The following ZNF704 variants were observed in gnomAD, a reference collection of about 807,000 sequenced individuals.
ZNF704 encodes glucocorticoid induced gene 1.
Under a neutral mutation model 44.7 loss-of-function variants are expected in ZNF704, and 10 were observed. That is an observed-to-expected ratio of 0.22 (90% CI 0.14 to 0.38). The LOEUF (loss-of-function observed/expected upper bound fraction) is 0.38, where lower values mean the gene tolerates loss of function less well. Among genes scored for constraint, ZNF704 ranks in the 10% least tolerant of loss-of-function variants. The pLI, the probability that ZNF704 is intolerant of heterozygous loss-of-function variation, is 1.00. For missense variants in ZNF704, 390 were observed against 545.5 expected (o/e 0.71, Z 2.84); for synonymous variants, 211 against 207.6 (o/e 1.02, Z -0.14).
At chr8:80,829,363 C>A (rs945620888) in intron 1 of ZNF704, among the ~76,000 whole-genome samples, 3 of 152,014 alleles carry the variant, frequency 2.0e-5, no homozygotes, top group Admixed American at 2.0e-4. Context: ...TATGTTACAA[C>A]AAGAAAACTC....
At chr8:80,653,325 C>T (rs1175519063) in intron 7 of ZNF704, among the ~76,000 whole-genome samples, 11 of 152,026 alleles carry the variant, frequency 7.2e-5, no homozygotes, top group South Asian at 4.2e-4. Flanking sequence ...CCAGGGCAAT[C>T]AGGCAGGAGA....
intron 2 of ZNF704, among the ~76,000 whole-genome samples, chr8:80,697,906 A>C (rs901967427): frequency 6.6e-6 from 1 of 152,210 alleles, no homozygotes; most frequent in African/African-American, 2.4e-5. Context: ...GATAATGAAA[A>C]GACTGCTATA....
At chr8:80,644,219 T>C (rs913927597) in intron 7 of ZNF704, among the ~76,000 whole-genome samples, 6 of 152,286 alleles carry the variant, frequency 3.9e-5, no homozygotes, top group Admixed American at 2.6e-4. Context: ...TGTGTGATGG[T>C]AGACCCAGGG....
chr8:80,672,782 G>A (rs963966666), intron 4 of ZNF704, among the ~76,000 whole-genome samples: 6 of 151,848 alleles, frequency 4.0e-5, no homozygotes, highest in Non-Finnish European at 7.4e-5. Context: ...AGGGAGTGGG[G>A]TAAGTGTTGA....
chr8:80,751,442 T>G (rs1806942163), intron 2 of ZNF704, among the ~76,000 whole-genome samples: 1 of 152,222 alleles, frequency 6.6e-6, no homozygotes, highest in Non-Finnish European at 1.5e-5. Context: ...CAAAACTATT[T>G]ACCAAATGCT....
chr8:80,631,649 G>C lies in ZNF704; in HGVS notation c.*9717C>G, dbSNP rs1008075552. On this transcript the variant is annotated 3_prime_UTR_variant, in exon 9 of 9. Coordinates refer to ENST00000327835, the MANE Select transcript of ZNF704 (RefSeq NM_001033723.3). Reference sequence around the variant, plus strand: ...CGGTAGGGTTGGTGACTTGCACGGCGGGCTTTGAGGCACAGTGAAAGGATT... The same window carrying C: ...CGGTAGGGTTGGTGACTTGCACGGCCGGCTTTGAGGCACAGTGAAAGGATT... 6.6e-6 allele frequency: 1 copy of C among 152,188 alleles called. No homozygotes were observed. The highest frequency in any genetic ancestry group is 2.4e-5 in the African/African-American group (1 of 41,442). 9.4% of individuals were successfully genotyped at this position (152,188 alleles called of 1,614,324 possible). A position where few individuals can be genotyped will look rare whatever the true frequency, so the allele number is the denominator to read the frequency against.
intron 2 of ZNF704, among the ~76,000 whole-genome samples, chr8:80,728,781 C>T (rs1386020231): frequency 1.3e-5 from 2 of 152,184 alleles, no homozygotes; most frequent in African/African-American, 4.8e-5. Context: ...GGCTCCTAAA[C>T]TCACTTTGTA....
chr8:80,722,321 A>C (rs1044050382), intron 2 of ZNF704, among the ~76,000 whole-genome samples: 3 of 152,222 alleles, frequency 2.0e-5, no homozygotes, highest in African/African-American at 7.2e-5. Flanking sequence ...TAGCTACGTA[A>C]TCTCAGGCAG....
intron 2 of ZNF704, among the ~76,000 whole-genome samples, chr8:80,792,528 T>C (rs906562129): frequency 3.3e-5 from 5 of 152,192 alleles, no homozygotes; most frequent in South Asian, 4.1e-4. Context: ...AAAGGGAATG[T>C]AGCCAAGTTG....
chr8:80,698,416 G>A lies in ZNF704; in HGVS notation c.222-5309C>T, dbSNP rs112662140. Among the ~76,000 whole-genome samples, 404 of 152,276 alleles carry A rather than the reference G, an allele frequency of 2.7e-3. 1 individual carries two copies. Among genetic ancestry groups the A allele is most frequent in the African/African-American group, 9.2e-3 (383 of 41,564 alleles). ...GGCAAGGCTTCCTTTAAAAAGGAAAGGGAAGACTGAACATGAAGTGCAGTG... is the reference window on the plus strand; with the variant it reads ...GGCAAGGCTTCCTTTAAAAAGGAAAAGGAAGACTGAACATGAAGTGCAGTG... On this transcript the variant is annotated intron_variant, in intron 2 of 8. Coordinates refer to ENST00000327835, the MANE Select transcript of ZNF704 (RefSeq NM_001033723.3).
At chr8:80,731,518 C>T (rs936869700) in intron 2 of ZNF704, among the ~76,000 whole-genome samples, 3 of 152,162 alleles carry the variant, frequency 2.0e-5, no homozygotes, top group Non-Finnish European at 4.4e-5. Flanking sequence ...ACTTCAAAAT[C>T]ATCTTTATGA....
At chr8:80,741,647 A>G (rs1806758725) in intron 2 of ZNF704, among the ~76,000 whole-genome samples, 1 of 152,212 alleles carries the variant, frequency 6.6e-6, no homozygotes, top group Admixed American at 6.5e-5. Context: ...GCGACTGCGC[A>G]CTTGTGCAAC....
intron 2 of ZNF704, among the ~76,000 whole-genome samples, chr8:80,771,810 C>T (rs1171432000): frequency 6.6e-6 from 1 of 152,116 alleles, no homozygotes; most frequent in East Asian, 1.9e-4. Context: ...TCAGCTTTCC[C>T]CCATGAAGTA....
intron 1 of ZNF704, among the ~76,000 whole-genome samples, chr8:80,846,417 C>T (rs1223746295): frequency 6.6e-6 from 1 of 152,040 alleles, no homozygotes; most frequent in Non-Finnish European, 1.5e-5. Context: ...CACACACACA[C>T]ACACACACAC....
rs371148896 is a variant in ZNF704, at chr8:80,803,290, C to T, written c.221+18084G>A. Reference sequence around the variant, plus strand: ...AGTAATTTCTAGATTCAATCCTGTTCCCTTTAAACTACCATTGACATTCTT... The same window carrying T: ...AGTAATTTCTAGATTCAATCCTGTTTCCTTTAAACTACCATTGACATTCTT... On this transcript the variant is annotated intron_variant, in intron 2 of 8. Coordinates refer to ENST00000327835, the MANE Select transcript of ZNF704 (RefSeq NM_001033723.3). Among the ~76,000 whole-genome samples, 5 of 152,204 alleles carry T rather than the reference C, an allele frequency of 3.3e-5. No individual in the cohort carries two copies. The East Asian group carries it at 7.7e-4, about 23-fold the overall frequency.
At chr8:80,882,439 GCCCATAA>G in the ZNF704 span, among the ~76,000 whole-genome samples, 57 of 152,058 alleles carry the variant, frequency 3.7e-4, 1 homozygote, top group African/African-American at 1.3e-3. Flanking sequence ...CTTATCCTTT[GCCCATAA>G]CCCTGATAGA....
chr8:80,720,117 C>T (rs1819140942), intron 2 of ZNF704, among the ~76,000 whole-genome samples: 1 of 152,220 alleles, frequency 6.6e-6, no homozygotes, highest in Non-Finnish European at 1.5e-5. Context: ...CAGGACACTG[C>T]TTCCCACTGC....
intron 1 of ZNF704, among the ~76,000 whole-genome samples, chr8:80,853,529 T>G (rs1808906104): frequency 6.6e-6 from 1 of 151,188 alleles, no homozygotes; most frequent in South Asian, 2.1e-4. Flanking sequence ...GAAAACAGAC[T>G]TAAATGAGGA....
At chr8:80,840,504 C>G (rs1233089452) in intron 1 of ZNF704, among the ~76,000 whole-genome samples, 1 of 152,144 alleles carries the variant, frequency 6.6e-6, no homozygotes, top group Non-Finnish European at 1.5e-5. Flanking sequence ...ATAATAATAA[C>G]AGTTCCAGTT....
Sources: allele counts gnomAD v4.1 joint callset (sites outside exome capture counted in the v4.1 genomes callset), GRCh38; gene constraint gnomAD v4.1.1; transcripts MANE v1.5; gene names NCBI Gene and HGNC (gene_info 2026-07-23, HGNC 2026-07-21).